Variants in DNAJA1 observed in about 807,000 individuals in gnomAD.
DNAJA1 encodes the protein dnaJ homolog subfamily A member 1.
In DNAJA1, 26 loss-of-function variants were observed where a neutral mutation model predicts 47.6. That is an observed-to-expected ratio of 0.55 (90% CI 0.40 to 0.76). The LOEUF (loss-of-function observed/expected upper bound fraction) is 0.76. Among genes scored for constraint, DNAJA1 ranks in the 30% least tolerant of loss-of-function variants. The pLI, the probability that DNAJA1 is intolerant of heterozygous loss-of-function variation, is 0.00. For missense variants in DNAJA1, 315 were observed against 485.0 expected, an observed-to-expected ratio of 0.65 and a Z score of 3.29; for synonymous variants, 165 against 158.4, an observed-to-expected ratio of 1.04 and a Z score of -0.31.
At chr9:33,030,258 AGT>A (rs1482014931) in intron 4 of DNAJA1, among the ~76,000 whole-genome samples, 180 bp from the exon 5 acceptor site, 2 of 152,120 alleles carry the variant, frequency 1.3e-5, no homozygotes, top group African/African-American at 4.8e-5. Context: ...TTTATTGGAA[AGT>A]GTGTTCTAAT....
intron 3 of DNAJA1, among the ~76,000 whole-genome samples, chr9:33,028,665 A>AT (rs1838912474): frequency 6.6e-6 from 1 of 152,238 alleles, no homozygotes; most frequent in African/African-American, 2.4e-5. Context: ...CCTTACAAAG[A>AT]ACCTGCAGGT....
At chr9:33,029,518 CA>C (rs1203816763) in intron 3 of DNAJA1, among the ~76,000 whole-genome samples, 2 of 152,172 alleles carry the variant, frequency 1.3e-5, no homozygotes, top group African/African-American at 4.8e-5. Context: ...GTGAAAGCTT[CA>C]AAAAATATAT....
intron 5 of DNAJA1, among the ~76,000 whole-genome samples, chr9:33,033,374 C>CT (rs1349579185): frequency 6.6e-6 from 1 of 151,910 alleles, no homozygotes; most frequent in East Asian, 1.9e-4. Flanking sequence ...TATAATTACC[C>CT]TTTTTTTAAG....
At chr9:33,036,911 T>A in intron 7 of DNAJA1, 104 bp from the exon 8 acceptor site, 1 of 1,095,318 alleles carries the variant, frequency 9.1e-7, no homozygotes, top group Non-Finnish European at 1.3e-6. Flanking sequence ...GCCACGTAAG[T>A]TTTACTCCTG....
chr9:33,036,976 G>A, intron 7 of DNAJA1, 39 bp from the exon 8 acceptor site: 1 of 1,553,610 alleles, frequency 6.4e-7, no homozygotes, highest in Non-Finnish European at 8.8e-7. Flanking sequence ...ATAAAAATGT[G>A]ACCATACTTA....
intron 3 of DNAJA1, among the ~76,000 whole-genome samples, chr9:33,028,410 G>C (rs1838908737): frequency 6.6e-6 from 1 of 152,126 alleles, no homozygotes; most frequent in African/African-American, 2.4e-5. Context: ...ATACAAATAA[G>C]GGCTGATGAG....
rs201643498 is a variant in DNAJA1 at position 33,039,536 on chromosome 9, C to CATATATATATATATATATATATATATAT, written c.*644_*645insTATATATATATATATATATATATATATA. On this transcript the variant is annotated 3_prime_UTR_variant, in exon 9 of 9. Coordinates refer to ENST00000330899, the MANE Select transcript of DNAJA1 (RefSeq NM_001539.4). Reference sequence around the variant, plus strand: ...TTGTGTTTCCTTCTGCTGTGCCATTCATATATATATACATATATATATATA... The same window carrying CATATATATATATATATATATATATATAT: ...TTGTGTTTCCTTCTGCTGTGCCATTCATATATATATATATATATATATATATATATATATATATACATATATATATATA... The CATATATATATATATATATATATATATAT allele has an allele frequency of 2.7e-3, 308 of 113,708 alleles. 31 individuals carry two copies. Among genetic ancestry groups the CATATATATATATATATATATATATATAT allele is most frequent in the Middle Eastern group, 4.6e-3 (1 of 218 alleles). The allele number at this position is 113,708 out of a possible 1,614,324, so 7.0% of individuals were successfully genotyped here.
chr9:33,025,758 GCTGCGGGGGGAGCCGGGCGGAGA>G (rs1838814810), intron 1 of DNAJA1, among the ~76,000 whole-genome samples: 7 of 152,154 alleles, frequency 4.6e-5, no homozygotes, highest in Admixed American at 4.6e-4. Context: ...GGGGCGAGGG[GCTGCGGGGGGAGCCGGGCGGAGA>G]CTGCGGCTTT....
Position 33,030,544 on chromosome 9 carries a change from C to T in DNAJA1, c.520C>T (p.Gln174Ter). The T allele has an allele frequency of 6.2e-7, 1 of 1,614,116 alleles. No individual in the cohort carries two copies. Among genetic ancestry groups the T allele is most frequent in the Non-Finnish European group, 8.5e-7 (1 of 1,180,020 alleles). ...AGGACCTGGAATGGTTCAGCAAATT[C>T]AGTCTGTGTGCATGGAGTGCCAGGG... ...QIGPGMVQQI[Q>*]SVCMECQGHG... is the part of the protein sequence containing the mutation. Residue 174 changes from glutamine (Q) to a stop codon, truncating the protein, a stop_gained, in exon 5 of 9, where the codon CAG becomes TAG. Transcript: ENST00000330899. LOFTEE classifies it high-confidence loss of function.
intron 1 of DNAJA1, among the ~76,000 whole-genome samples, chr9:33,025,602 C>G (rs1838800059): frequency 6.6e-6 from 1 of 152,106 alleles, no homozygotes; most frequent in African/African-American, 2.4e-5. Context: ...AGACCTCCCT[C>G]CTTCCCCAGC....
chr9:33,037,221 C>A, intron 8 of DNAJA1, 106 bp downstream of exon 8: 1 of 893,832 alleles, frequency 1.1e-6, no homozygotes, highest in Non-Finnish European at 1.7e-6. Context: ...CCTGTAATCC[C>A]CGCATTTTGA....
In DNAJA1 at chr9:33,030,625, A is replaced by G. The variant is rs201185136; in HGVS notation, c.601A>G (p.Ile201Val). The G allele has an allele frequency of 1.2e-6, 2 of 1,614,054 alleles. No homozygotes were observed. Among genetic ancestry groups the G allele is most frequent in the South Asian group, 1.1e-5 (1 of 91,044 alleles). ...ATGTAAAAGCTGCAACGGAAGGAAG[A>G]TAGTTCGAGAGAAGAAAATTTTAGA... ...DRCKSCNGRKIVREKKILEVH... is the reference protein window; with the variant it reads ...DRCKSCNGRKVVREKKILEVH... Residue 201 changes from isoleucine (I) to valine (V), a missense_variant, in exon 5 of 9, where the codon ATA becomes GTA. Physicochemically the swap from Ile to Val is conservative, Grantham distance 29 (BLOSUM62 3). Transcript: ENST00000330899.
In DNAJA1 at chr9:33,036,603, A is replaced by G. The variant is rs1433515775; in HGVS notation, c.788A>G (p.Asp263Gly). 2 of 1,613,506 alleles carry G rather than the reference A, an allele frequency of 1.2e-6. No individual in the cohort carries two copies. Among genetic ancestry groups the G allele is most frequent in the Non-Finnish European group, 1.7e-6 (2 of 1,179,642 alleles). ...RRGEDLFMCM[D>G]IQLVEALCGF... Reference sequence around the variant, plus strand: ...GGAGAAGACCTTTTCATGTGTATGGACATACAGCTCGTTGAAGCACTGTGT... The same window carrying G: ...GGAGAAGACCTTTTCATGTGTATGGGCATACAGCTCGTTGAAGCACTGTGT... The change falls in exon 7 of 9, where the codon GAC (aspartate) becomes GGC (glycine). Residue 263 changes from aspartate (D) to glycine (G), a missense_variant. Asp to Gly is a moderately conservative substitution (Grantham distance 94, BLOSUM62 -1). This residue lies in a region of DNAJA1 where 162 missense variants were observed against 185.4 expected (regional missense o/e 0.87). Transcript: ENST00000330899.
intron 2 of DNAJA1, 92 bp from the exon 3 acceptor site, chr9:33,026,721 C>G: frequency 2.6e-6 from 4 of 1,568,616 alleles, no homozygotes; most frequent in Non-Finnish European, 3.4e-6. Context: ...ACTATGATCA[C>G]TTCTCGGCCT....
rs571974106 is a variant in DNAJA1, at chr9:33,029,257, C to A, written c.311-628C>A. Among the ~76,000 whole-genome samples the A allele has an allele frequency of 3.5e-3, 529 of 152,304 alleles. 5 individuals are homozygous for A. Among genetic ancestry groups the A allele is most frequent in the Non-Finnish European group, 4.9e-3 (334 of 68,016 alleles). On this transcript the variant is annotated intron_variant, in intron 3 of 8. Transcript: ENST00000330899. ...GACAGAACAGATATAAAACATTTAT[C>A]ACTGCAGAAAGTTCTGTTGGGCAAT...
intron 3 of DNAJA1, 82 bp from the exon 4 acceptor site, chr9:33,029,803 T>C: frequency 1.8e-6 from 2 of 1,116,364 alleles, no homozygotes; most frequent in Non-Finnish European, 2.6e-6. Context: ...TATTATTCTT[T>C]GCCACATTCT....
intron 5 of DNAJA1, among the ~76,000 whole-genome samples, chr9:33,032,922 G>A (rs1182138181): frequency 6.6e-6 from 1 of 152,098 alleles, no homozygotes; most frequent in African/African-American, 2.4e-5. Context: ...TGGATATGTA[G>A]GAATTCATTG....
At chr9:33,031,433 TTTG>T (rs1838960039) in intron 5 of DNAJA1, among the ~76,000 whole-genome samples, 1 of 151,810 alleles carries the variant, frequency 6.6e-6, no homozygotes, top group Non-Finnish European at 1.5e-5. Context: ...CATGTTTTTG[TTTG>T]TTTGTTTTTT....
At chr9:33,037,178 A>T (rs1267684497) in intron 8 of DNAJA1, 63 bp downstream of exon 8, 2 of 1,504,974 alleles carry the variant, frequency 1.3e-6, no homozygotes, top group Non-Finnish European at 1.8e-6. Context: ...CTGATAAAAA[A>T]GTAAAATTTC....
Sources: gnomAD v4.1 joint callset for allele counts (sites outside exome capture counted in the v4.1 genomes callset) on GRCh38, gnomAD v4.1.1 for gene constraint, gnomAD v4.1.1 regional missense constraint, MANE v1.5 for transcripts, NCBI Gene and HGNC (gene_info 2026-07-23, HGNC 2026-07-21) for gene names.